The following NAV2 variants were observed in gnomAD, a reference collection of about 807,000 sequenced individuals.
NAV2 encodes neuron navigator 2.
NAV2 carries 54 observed loss-of-function variants against 223.2 expected under a neutral mutation model. The ratio of observed to expected loss-of-function variants is 0.24; its 90% CI spans 0.19 to 0.30. The LOEUF is 0.30. NAV2 is among the 10% of genes least tolerant of loss of function. The probability of loss-of-function intolerance (pLI) is 1.00; values close to 1 mark genes in which losing one functional copy is unlikely to be tolerated. For synonymous variants in NAV2, 1,279 were observed against 1,239.3 expected, an observed-to-expected ratio of 1.03 and a Z score of -0.67; for missense variants, 2,806 against 3,147.5, an observed-to-expected ratio of 0.89 and a Z score of 2.60.
intron 1 of NAV2, among the ~76,000 whole-genome samples, chr11:19,620,888 G>C (rs1406557954): frequency 2.0e-5 from 3 of 152,144 alleles, no homozygotes; most frequent in African/African-American, 7.2e-5. Flanking sequence ...TGTGATATTG[G>C]CTGTGGGTTT....
intron 1 of NAV2, among the ~76,000 whole-genome samples, chr11:19,674,236 C>T (rs1201964490): frequency 1.3e-5 from 2 of 152,192 alleles, no homozygotes; most frequent in East Asian, 1.9e-4. Context: ...GGAAACTTCC[C>T]GAGACTGGCC....
At chr11:19,520,124 G>T (rs1295501550) in intron 1 of NAV2, among the ~76,000 whole-genome samples, 1 of 152,126 alleles carries the variant, frequency 6.6e-6, no homozygotes, top group Non-Finnish European at 1.5e-5. Flanking sequence ...CTGGCAGGGT[G>T]CCCAGAGCTC....
intron 11 of NAV2, among the ~76,000 whole-genome samples, chr11:20,032,484 T>C (rs1182068570): frequency 6.6e-6 from 1 of 152,240 alleles, no homozygotes; most frequent in East Asian, 1.9e-4. Context: ...CATGAGCATC[T>C]GTTACAACTG....
intron 1 of NAV2, among the ~76,000 whole-genome samples, chr11:19,760,528 C>T (rs547928851): frequency 1.2e-4 from 19 of 152,320 alleles, no homozygotes; most frequent in African/African-American, 4.1e-4. Flanking sequence ...TTGCTGGTGA[C>T]GAAGCACTGA....
chr11:19,921,463 G>A (rs369519146), intron 6 of NAV2, among the ~76,000 whole-genome samples: 2 of 152,146 alleles, frequency 1.3e-5, no homozygotes, highest in East Asian at 1.9e-4. Flanking sequence ...ATTGTCTGAC[G>A]TTCCTATTTT....
intron 1 of NAV2, among the ~76,000 whole-genome samples, chr11:19,396,033 A>C (rs1371235401): frequency 6.6e-6 from 1 of 152,100 alleles, no homozygotes; most frequent in Non-Finnish European, 1.5e-5. Context: ...GATAATGCCT[A>C]CCTCCTGGGA....
intron 11 of NAV2, among the ~76,000 whole-genome samples, chr11:20,011,432 T>G (rs1003980083): frequency 8.5e-5 from 13 of 152,240 alleles, no homozygotes; most frequent in African/African-American, 3.1e-4. Context: ...ACATTTTGTT[T>G]TTTGAAAGAC....
intron 11 of NAV2, among the ~76,000 whole-genome samples, chr11:20,026,826 T>C (rs2073111821): frequency 6.6e-6 from 1 of 152,218 alleles, no homozygotes; most frequent in Non-Finnish European, 1.5e-5. Flanking sequence ...CAATCCTCAA[T>C]TGCCTCATCT....
At chr11:19,500,463 T>C (rs2042930483) in intron 1 of NAV2, among the ~76,000 whole-genome samples, 1 of 152,192 alleles carries the variant, frequency 6.6e-6, no homozygotes, top group Admixed American at 6.5e-5. Flanking sequence ...CTATCCCCAA[T>C]TACTATCCAG....
intron 1 of NAV2, among the ~76,000 whole-genome samples, chr11:19,792,181 A>G (rs1565324438): frequency 6.6e-6 from 1 of 152,220 alleles, no homozygotes; most frequent in Non-Finnish European, 1.5e-5. Context: ...ATGTCTCTCC[A>G]ACACACATAT....
intron 8 of NAV2, among the ~76,000 whole-genome samples, chr11:19,943,809 C>A (rs941725868): frequency 5.3e-5 from 8 of 152,162 alleles, no homozygotes; most frequent in African/African-American, 1.9e-4. Context: ...GTCTTCTCAG[C>A]TCTCCCTAAA....
intron 11 of NAV2, among the ~76,000 whole-genome samples, chr11:20,014,013 C>T (rs933849645): frequency 2.0e-5 from 3 of 152,196 alleles, no homozygotes; most frequent in Admixed American, 6.5e-5. Context: ...CCCTGCAGCG[C>T]ATCCTACAAC....
chr11:19,800,672 G>T (rs1023175535), intron 1 of NAV2, among the ~76,000 whole-genome samples: 5 of 145,846 alleles, frequency 3.4e-5, no homozygotes, highest in Non-Finnish European at 7.6e-5. Context: ...AAGGAGAATG[G>T]GTGTGTGTGT....
At chr11:19,599,391 A>G (rs1344856470) in intron 1 of NAV2, among the ~76,000 whole-genome samples, 1 of 152,060 alleles carries the variant, frequency 6.6e-6, no homozygotes, top group Non-Finnish European at 1.5e-5. Context: ...AGGTTGTCTT[A>G]TTGTTAATAA....
chr11:19,983,969 A>G (rs1234249179), intron 10 of NAV2, among the ~76,000 whole-genome samples, 156 bp from the exon 11 acceptor site: 8 of 152,094 alleles, frequency 5.3e-5, no homozygotes, highest in Admixed American at 4.6e-4. Flanking sequence ...CAGCTGAGTT[A>G]TCCTTGGGCT....
intron 1 of NAV2, among the ~76,000 whole-genome samples, chr11:19,562,204 TA>T (rs2045124020): frequency 6.6e-6 from 1 of 152,222 alleles, no homozygotes; most frequent in Non-Finnish European, 1.5e-5. Flanking sequence ...TGCCAAGTGT[TA>T]TCTATATTTT....
At chr11:19,396,854 A>G (rs562502555) in intron 1 of NAV2, among the ~76,000 whole-genome samples, 3 of 152,362 alleles carry the variant, frequency 2.0e-5, no homozygotes, top group East Asian at 3.9e-4. Context: ...ATCCAAAAAT[A>G]CATGCTACCA....
At chr11:19,927,020 A>G (rs1463992998) in intron 6 of NAV2, among the ~76,000 whole-genome samples, 1 of 152,244 alleles carries the variant, frequency 6.6e-6, no homozygotes, top group Non-Finnish European at 1.5e-5. Context: ...TCATTTAGAA[A>G]GCATTTTGGT....
At chr11:20,061,453 C>T (rs1427382983) in intron 19 of NAV2, among the ~76,000 whole-genome samples, 1 of 151,808 alleles carries the variant, frequency 6.6e-6, no homozygotes, top group Admixed American at 6.6e-5. Context: ...CCTATAATCC[C>T]AGCTACTCAG....
Sources: allele counts gnomAD v4.1 joint callset (sites outside exome capture counted in the v4.1 genomes callset), GRCh38; gene constraint gnomAD v4.1.1; transcripts MANE v1.5; gene names NCBI Gene and HGNC (gene_info 2026-07-23, HGNC 2026-07-21).